The following ROR2 variants were observed in gnomAD, a reference collection of about 807,000 sequenced individuals.
The protein encoded by ROR2 is ROR family WNT receptor 2.
In ROR2, 33 loss-of-function variants were observed where a neutral mutation model predicts 74.9. The ratio of observed to expected loss-of-function variants is 0.44; its 90% CI spans 0.33 to 0.59. ROR2 has a LOEUF of 0.59. ROR2 is among the 20% of genes least tolerant of loss of function. The pLI is 0.02. For missense variants in ROR2, 1,216 were observed against 1,313.8 expected, an observed-to-expected ratio of 0.93 and a Z score of 1.15; for synonymous variants, 586 against 558.7, an observed-to-expected ratio of 1.05 and a Z score of -0.69.
chr9:91,914,346 A>C (rs1438495339), intron 1 of ROR2, among the ~76,000 whole-genome samples: 1 of 152,224 alleles, frequency 6.6e-6, no homozygotes. Flanking sequence ...ATGAAACTAA[A>C]TTCCCAAGAG....
chr9:91,730,890 A>G lies in ROR2; in HGVS notation c.1183+20T>C. 1.9e-6 allele frequency: 3 copies of G among 1,614,008 alleles called. No individual in the cohort carries two copies. Among genetic ancestry groups the G allele is most frequent in the Non-Finnish European group, 1.7e-6 (2 of 1,179,996 alleles). On this transcript the variant is annotated intron_variant, in intron 7 of 8. Transcript: ENST00000375708. The stretch of plus-strand genomic sequence containing the variant: ...CACTCAACAATCAACACATTAAAAA[A>G]AGAGAGAGAGAATACATACTACACG...
chr9:91,846,364 C>T (rs952142650), intron 1 of ROR2, among the ~76,000 whole-genome samples: 15 of 152,144 alleles, frequency 9.9e-5, no homozygotes, highest in African/African-American at 3.6e-4. Context: ...GGGGAAGAGA[C>T]ACTGGCACTC....
intron 1 of ROR2, among the ~76,000 whole-genome samples, chr9:91,899,594 T>C (rs1830620885): frequency 6.6e-6 from 1 of 152,046 alleles, no homozygotes; most frequent in Admixed American, 6.5e-5. Context: ...ACTGAGCAGG[T>C]GGGCAGGAGA....
Position 91,863,479 on chromosome 9 carries a change from G to C in ROR2, c.97+86388C>G, listed in dbSNP as rs560720827. Among the ~76,000 whole-genome samples the C allele has an allele frequency of 3.9e-5, 6 of 152,276 alleles. No individual in the cohort carries two copies. The East Asian group carries it at 1.2e-3, about 29-fold the overall frequency. ...CTATAGATAGATAGATAGATAGATA[G>C]AAATGTGGTAATATATCCCAGAACT... On this transcript the variant is annotated intron_variant, in intron 1 of 8. Coordinates refer to ENST00000375708, the MANE Select transcript of ROR2 (RefSeq NM_004560.4).
At position 91,733,324 on chromosome 9, in the gene ROR2, T is replaced by C; in HGVS notation, c.735A>G (p.Thr245=). The change falls in exon 6 of 9, where the codon ACA becomes ACG. Residue 245 remains threonine, a synonymous_variant. Coordinates refer to ENST00000375708, the MANE Select transcript of ROR2 (RefSeq NM_004560.4). This position sits in a 1 kb window ranked among gnomAD's most constrained non-coding sequence, Gnocchi z 5.7. ...CGCGGCACAGCTCACGCGGCTTGGG[T>C]GTCCGGGAGCGCGCGTCGCACAGAG... is the stretch of plus-strand genomic sequence containing the variant. ...VFPLCDARSR[T]PKPRELCRDE... 1 of 1,612,698 alleles carries C rather than the reference T, an allele frequency of 6.2e-7. No homozygotes were observed. The highest frequency in any genetic ancestry group is 8.5e-7 in the Non-Finnish European group (1 of 1,179,712).
intron 1 of ROR2, among the ~76,000 whole-genome samples, chr9:91,851,074 C>A (rs986159850): frequency 1.3e-5 from 2 of 152,106 alleles, no homozygotes; most frequent in African/African-American, 4.8e-5. Context: ...AGATTCCGGC[C>A]GGGCGCGGTG....
At chr9:91,859,197 C>CTTTTTTTT (rs541283275) in intron 1 of ROR2, among the ~76,000 whole-genome samples, 2 of 121,330 alleles carry the variant, frequency 1.6e-5, no homozygotes, top group African/African-American at 7.2e-5. Flanking sequence ...GAAAGTATTC[C>CTTTTTTTT]TTTTTTTTTT....
chr9:91,862,203 G>A (rs897902610), intron 1 of ROR2, among the ~76,000 whole-genome samples: 5 of 152,072 alleles, frequency 3.3e-5, no homozygotes, highest in African/African-American at 7.2e-5. Context: ...GGTGGTGGGC[G>A]CCTGTAGTCC....
chr9:91,881,593 A>G (rs529038825), intron 1 of ROR2, among the ~76,000 whole-genome samples: 16 of 152,366 alleles, frequency 1.1e-4, no homozygotes, highest in African/African-American at 3.6e-4. Flanking sequence ...CTCCAGCAGC[A>G]TAGTTACAAA....
intron 1 of ROR2, among the ~76,000 whole-genome samples, chr9:91,794,141 G>A (rs1196125118): frequency 6.6e-6 from 1 of 152,194 alleles, no homozygotes; most frequent in African/African-American, 2.4e-5. Context: ...ATTCATTAAC[G>A]AATTACAGTA....
At position 91,766,129 on chromosome 9, in the gene ROR2, C is replaced by T. The variant is rs554023210; in HGVS notation, c.176-8570G>A. Among the ~76,000 whole-genome samples, 8 of 152,304 alleles carry T rather than the reference C, an allele frequency of 5.3e-5. No individual in the cohort carries two copies. In the South Asian group the frequency reaches 1.7e-3, roughly 32 times the overall value. ...ATTTGCTGTGTCCACGTCTTGGTGC[C>T]CTCTCTGCTCTGTGGCCCACAGACA... On this transcript the variant is annotated intron_variant, in intron 2 of 8. Transcript: ENST00000375708.
At chr9:91,855,749 G>A (rs1161119931) in intron 1 of ROR2, among the ~76,000 whole-genome samples, 1 of 152,084 alleles carries the variant, frequency 6.6e-6, no homozygotes, top group Non-Finnish European at 1.5e-5. Flanking sequence ...AGAAGCATCT[G>A]GAAGCAGAGG....
chr9:91,842,909 G>A (rs903392488), intron 1 of ROR2, among the ~76,000 whole-genome samples: 3 of 152,362 alleles, frequency 2.0e-5, no homozygotes, highest in Admixed American at 1.3e-4. Flanking sequence ...CCCCTCTCTC[G>A]AGCAGAGGTG....
chr9:91,817,966 C>T lies in ROR2; in HGVS notation c.98-42148G>A, dbSNP rs532087693. On this transcript the variant is annotated intron_variant, in intron 1 of 8. Coordinates refer to ENST00000375708, the MANE Select transcript of ROR2 (RefSeq NM_004560.4). Reference sequence around the variant, plus strand: ...TCAGGTGGGGGAAAGGGAGCCTCAACACGCTCTGGTCCGCAATGCAACTTA... The same window carrying T: ...TCAGGTGGGGGAAAGGGAGCCTCAATACGCTCTGGTCCGCAATGCAACTTA... Among the ~76,000 whole-genome samples, 108 of 152,320 alleles carry T rather than the reference C, an allele frequency of 7.1e-4. 1 individual carries two copies. The highest frequency in any genetic ancestry group is 2.1e-3 in the African/African-American group (87 of 41,572).
chr9:91,850,103 T>C (rs1038221885), intron 1 of ROR2, among the ~76,000 whole-genome samples: 14 of 152,192 alleles, frequency 9.2e-5, no homozygotes, highest in Non-Finnish European at 2.1e-4. Flanking sequence ...ACAGAATTAC[T>C]GGGTTTGTGG....
In ROR2 at chr9:91,724,287, C is replaced by T. The variant is rs980417569; in HGVS notation, c.2207G>A (p.Arg736Gln). 1.9e-6 allele frequency: 3 copies of T among 1,613,220 alleles called. No homozygotes were observed. Among genetic ancestry groups the T allele is most frequent in the Non-Finnish European group, 2.5e-6 (3 of 1,180,006 alleles). Residue 736 changes from arginine (R) to glutamine (Q), a missense_variant, in exon 9 of 9, where the codon CGG becomes CAG. By Grantham distance (43) the Arg-to-Gln change is conservative (BLOSUM62 1). Coordinates refer to ENST00000375708, the MANE Select transcript of ROR2 (RefSeq NM_004560.4). ...GCTGTGGATGTCCTTGAAGCGGGGC[C>T]GCCGGCTGGGGAACTCGTTCCAGCA... The part of the protein sequence containing the change: ...IECWNEFPSR[R>Q]PRFKDIHSRL...
intron 2 of ROR2, among the ~76,000 whole-genome samples, chr9:91,758,873 C>T (rs1825834529): frequency 6.6e-6 from 1 of 152,228 alleles, no homozygotes; most frequent in Non-Finnish European, 1.5e-5. Flanking sequence ...GAGAACTACT[C>T]CGTCTCTTAA....
intron 1 of ROR2, among the ~76,000 whole-genome samples, chr9:91,870,920 T>C (rs1829777413): frequency 6.6e-6 from 1 of 152,244 alleles, no homozygotes; most frequent in African/African-American, 2.4e-5. Flanking sequence ...TGGAATGCTA[T>C]CAACAGAGTT....
At chr9:91,937,997 C>T (rs955321599) in intron 1 of ROR2, among the ~76,000 whole-genome samples, 1 of 152,222 alleles carries the variant, frequency 6.6e-6, no homozygotes. Context: ...GGATTACAGG[C>T]AAGGGCCATC....
Sources: allele counts gnomAD v4.1 joint callset (sites outside exome capture counted in the v4.1 genomes callset), GRCh38; gene constraint gnomAD v4.1.1; non-coding constraint Gnocchi (gnomAD v3.1); transcripts MANE v1.5; gene names NCBI Gene and HGNC (gene_info 2026-07-23, HGNC 2026-07-21).